Variants in PARD3 observed in about 807,000 individuals in gnomAD.
PARD3 encodes the protein par-3 family cell polarity regulator, also known as partitioning defective 3 homolog.
Under a neutral mutation model 155.4 loss-of-function variants are expected in PARD3, and 75 were observed. The ratio of observed to expected loss-of-function variants is 0.48; its 90% CI spans 0.40 to 0.58. PARD3 has a LOEUF of 0.58. PARD3 is among the 20% of genes least tolerant of loss of function. PARD3 has a pLI of 0.00. For missense variants in PARD3, 1,642 were observed against 1,721.7 expected, an observed-to-expected ratio of 0.95 and a Z score of 0.82; for synonymous variants, 576 against 610.5, an observed-to-expected ratio of 0.94 and a Z score of 0.83.
At chr10:34,149,966 T>C (rs535299410) in intron 22 of PARD3, among the ~76,000 whole-genome samples, 9 of 152,356 alleles carry the variant, frequency 5.9e-5, no homozygotes, top group African/African-American at 2.2e-4. Context: ...CTTGTAAACT[T>C]CATTTGAACA....
At chr10:34,389,661 T>C (rs373171525) in intron 7 of PARD3, among the ~76,000 whole-genome samples, 39 of 152,116 alleles carry the variant, frequency 2.6e-4, no homozygotes, top group African/African-American at 8.9e-4. Flanking sequence ...GAAGGCAGAA[T>C]ATGAGTGGGC....
In PARD3 at chr10:34,501,737, C is replaced by CA. The variant is rs987839394; in HGVS notation, c.403+15241dup. Among the ~76,000 whole-genome samples the CA allele has an allele frequency of 2.0e-3, 281 of 143,046 alleles. 1 individual carries two copies. The highest frequency in any genetic ancestry group is 5.4e-3 in the African/African-American group (213 of 39,154). 93.8% of individuals were successfully genotyped at this position (143,046 alleles called of 152,430 possible). A position where few individuals can be genotyped will look rare whatever the true frequency, so the allele number is the denominator to read the frequency against. The stretch of plus-strand genomic sequence containing the variant: ...AATGCCCTCCCACCCTCCTCCCCGC[C>CA]AAAAAAAAAAAGATGTCTACATCTT... On this transcript the variant is annotated intron_variant, in intron 3 of 24. Transcript: ENST00000374788.
chr10:34,111,047 C>T lies in PARD3; in HGVS notation c.*122G>A, dbSNP rs1395102790. 10 of 1,113,924 alleles carry T rather than the reference C, an allele frequency of 9.0e-6. No homozygotes were observed. The highest frequency in any genetic ancestry group is 1.8e-5 in the South Asian group (1 of 56,050). The allele number at this position is 1,113,924 out of a possible 1,614,324, so 69.0% of individuals were successfully genotyped here. On this transcript the variant is annotated 3_prime_UTR_variant, in exon 25 of 25. Coordinates refer to ENST00000374788, the MANE Select transcript of PARD3 (RefSeq NM_001184785.2). Reference sequence around the variant, plus strand: ...TCTTTGCCTACACCGCTTAAAGGCACTGATACCAACAACAGAAATACTCCA... The same window carrying T: ...TCTTTGCCTACACCGCTTAAAGGCATTGATACCAACAACAGAAATACTCCA...
At chr10:34,409,972 C>A (rs2132288743) in intron 5 of PARD3, among the ~76,000 whole-genome samples, 1 of 152,214 alleles carries the variant, frequency 6.6e-6, no homozygotes, top group East Asian at 1.9e-4. Context: ...CTTCTCTGTG[C>A]CTCAGTTTAC....
intron 22 of PARD3, among the ~76,000 whole-genome samples, chr10:34,177,015 G>A (rs1175258456): frequency 6.6e-6 from 1 of 151,822 alleles, no homozygotes; most frequent in African/African-American, 2.4e-5. Flanking sequence ...TGGTGTACAT[G>A]TGTGTTTGTG....
intron 1 of PARD3, among the ~76,000 whole-genome samples, chr10:34,709,529 C>T (rs540730063): frequency 2.9e-4 from 44 of 152,140 alleles, no homozygotes; most frequent in Admixed American, 7.9e-4. Context: ...TAAGAAGAGT[C>T]GTGACTCTAA....
At chr10:34,116,786 C>T (rs2132656782) in intron 24 of PARD3, among the ~76,000 whole-genome samples, 1 of 152,332 alleles carries the variant, frequency 6.6e-6, no homozygotes, top group Middle Eastern at 3.4e-3. Context: ...CTACAATTAA[C>T]CCAGAGGGAA....
At chr10:34,483,000 A>AG (rs1050371665) in intron 3 of PARD3, among the ~76,000 whole-genome samples, 4 of 151,726 alleles carry the variant, frequency 2.6e-5, no homozygotes, top group African/African-American at 9.7e-5. Context: ...AATACAAAAA[A>AG]AAAAAATTAG....
At chr10:34,578,036 TG>T (rs2134222267) in intron 2 of PARD3, among the ~76,000 whole-genome samples, 2 of 147,538 alleles carry the variant, frequency 1.4e-5, no homozygotes, top group South Asian at 4.5e-4. Context: ...TATGTTTTTT[TG>T]TTTTCTGTTG....
chr10:34,611,854 GGCT>G (rs2090921562), intron 2 of PARD3, among the ~76,000 whole-genome samples: 1 of 138,388 alleles, frequency 7.2e-6, no homozygotes, highest in South Asian at 2.3e-4. Context: ...CTGTCGCCCA[GGCT>G]GGAGTGCAGT....
intron 2 of PARD3, among the ~76,000 whole-genome samples, chr10:34,597,300 T>C (rs1199870749): frequency 6.6e-6 from 1 of 151,536 alleles, no homozygotes; most frequent in Non-Finnish European, 1.5e-5. Context: ...TGTTTATATT[T>C]ATATATAATA....
At chr10:34,281,155 A>G (rs1275022324) in intron 21 of PARD3, among the ~76,000 whole-genome samples, 1 of 152,134 alleles carries the variant, frequency 6.6e-6, no homozygotes, top group Non-Finnish European at 1.5e-5. Flanking sequence ...ACTTAATTGG[A>G]ACATGTTCTG....
At chr10:34,805,300 T>C (rs1843232409) in intron 1 of PARD3, among the ~76,000 whole-genome samples, 1 of 152,088 alleles carries the variant, frequency 6.6e-6, no homozygotes, top group East Asian at 1.9e-4. Context: ...GAGGTTGCAG[T>C]GAGCCGAGAC....
At chr10:34,380,282 T>G (rs1032072317) in intron 9 of PARD3, among the ~76,000 whole-genome samples, 10 of 152,156 alleles carry the variant, frequency 6.6e-5, no homozygotes, top group Non-Finnish European at 1.5e-4. Flanking sequence ...TTCTCACAGT[T>G]GGTAAATTAA....
At chr10:34,703,810 A>G (rs970714221) in intron 1 of PARD3, among the ~76,000 whole-genome samples, 3 of 152,180 alleles carry the variant, frequency 2.0e-5, no homozygotes, top group African/African-American at 7.2e-5. Flanking sequence ...CTAGACAATC[A>G]TCTACCAGTG....
intron 15 of PARD3, among the ~76,000 whole-genome samples, chr10:34,347,642 A>C (rs1158433607): frequency 1.3e-5 from 2 of 152,208 alleles, no homozygotes; most frequent in Non-Finnish European, 2.9e-5. Flanking sequence ...TTTCTTTTTA[A>C]ACATAGCTTC....
intron 22 of PARD3, among the ~76,000 whole-genome samples, chr10:34,184,309 C>T (rs1289705930): frequency 1.7e-4 from 26 of 152,172 alleles, no homozygotes; most frequent in Admixed American, 1.7e-3. Flanking sequence ...CAACATTCTA[C>T]CTTGGTTGTT....
At chr10:34,788,381 A>T (rs960504889) in intron 1 of PARD3, among the ~76,000 whole-genome samples, 1 of 151,674 alleles carries the variant, frequency 6.6e-6, no homozygotes, top group Non-Finnish European at 1.5e-5. Flanking sequence ...CTGATATAAG[A>T]TCAGCCACCA....
intron 21 of PARD3, among the ~76,000 whole-genome samples, chr10:34,278,474 T>C (rs1277107616): frequency 2.0e-5 from 3 of 152,170 alleles, no homozygotes; most frequent in East Asian, 1.9e-4. Context: ...TCATTGTGAA[T>C]TGTAGTTCCC....
Sources: gnomAD v4.1 joint callset for allele counts (sites outside exome capture counted in the v4.1 genomes callset) on GRCh38, gnomAD v4.1.1 for gene constraint, MANE v1.5 for transcripts, NCBI Gene and HGNC (gene_info 2026-07-23, HGNC 2026-07-21) for gene names.